SLC9C2: variants seen among roughly 807,000 people sequenced by gnomAD.
SLC9C2 encodes the protein sodium/hydrogen exchanger 11.
In SLC9C2, 75 loss-of-function variants were observed where a neutral mutation model predicts 140.2. That is an observed-to-expected ratio of 0.53 (90% CI 0.44 to 0.65). The LOEUF (loss-of-function observed/expected upper bound fraction) is 0.65. Ranked by LOEUF, SLC9C2 falls within the 30% of genes least tolerant of loss-of-function variation. The pLI, the probability that SLC9C2 is intolerant of heterozygous loss-of-function variation, is 0.00. For missense variants in SLC9C2, 1,074 were observed against 1,331.8 expected (o/e 0.81, Z 3.01); for synonymous variants, 375 against 420.9 (o/e 0.89, Z 1.34).
In SLC9C2 at chr1:173,548,589, A is replaced by G. The variant is rs751734100; in HGVS notation, c.1298-37T>C. ...ACAAAAGCAAAGGCCTTAATAGAGTACAGTGAGGACTGCAAGGGAAAGCAA... is the reference window on the plus strand; with the variant it reads ...ACAAAAGCAAAGGCCTTAATAGAGTGCAGTGAGGACTGCAAGGGAAAGCAA... On this transcript the variant is annotated intron_variant, in intron 11 of 27. Transcript: ENST00000367714. 3.3e-5 allele frequency: 53 copies of G among 1,610,174 alleles called. No homozygotes were observed. The Admixed American group carries it at 4.2e-4, about 13-fold the overall frequency.
In SLC9C2 at chr1:173,534,567, T is replaced by C. The variant is rs377658375; in HGVS notation, c.1891A>G (p.Met631Val). ...IYPMIIHLWP[M>V]ARGLNVSALI... is the part of the protein sequence containing the mutation. ...GCTGATACATTTAAACCTCTTGCCA[T>C]TGGCCACAGATGTATTATCATAGGA... The change falls in exon 16 of 28, where the codon ATG (methionine) becomes GTG (valine). Residue 631 changes from methionine (M) to valine (V), a missense_variant. Met to Val is a conservative substitution (Grantham distance 21). Transcript: ENST00000367714. 1.1e-5 allele frequency: 18 copies of C among 1,599,140 alleles called. No individual in the cohort carries two copies. The African/African-American group carries it at 2.2e-4, about 19-fold the overall frequency.
chr1:173,585,991 A>G (rs563226406), intron 5 of SLC9C2, among the ~76,000 whole-genome samples: 3 of 152,252 alleles, frequency 2.0e-5, no homozygotes, highest in South Asian at 2.1e-4. Context: ...ATAAAAAAAA[A>G]GAAGACTTTC....
chr1:173,515,622 C>CAG (rs1326731522), intron 23 of SLC9C2, among the ~76,000 whole-genome samples: 1 of 152,112 alleles, frequency 6.6e-6, no homozygotes, highest in Non-Finnish European at 1.5e-5. Flanking sequence ...TTTAGCTCAG[C>CAG]AGAGTTTGTT....
In SLC9C2 at chr1:173,576,686, G is replaced by A. The variant is rs1453234127; in HGVS notation, c.877C>T (p.Pro293Ser). The A allele has an allele frequency of 6.2e-7, 1 of 1,611,352 alleles. No homozygotes were observed. The highest frequency in any genetic ancestry group is 1.7e-5 in the Admixed American group (1 of 59,584). ...GLNLDSLTFKPKIELVITKFL... is the reference protein window; with the variant it reads ...GLNLDSLTFKSKIELVITKFL... ...TTAGTAATTACAAGTTCGATCTTCG[G>A]TTTAAAAGTTAAAGAATCTAAATTC... Residue 293 changes from proline to serine, a missense_variant, in exon 8 of 28, where the codon CCG becomes TCG. Physicochemically the swap from Pro to Ser is moderately conservative, Grantham distance 74. Coordinates refer to ENST00000367714, the MANE Select transcript of SLC9C2 (RefSeq NM_178527.4).
At chr1:173,591,630 T>C (rs1666168365) in intron 4 of SLC9C2, among the ~76,000 whole-genome samples, 1 of 152,224 alleles carries the variant, frequency 6.6e-6, no homozygotes. Context: ...TTATCAGTGA[T>C]GTTGAGCTTT....
Position 173,600,098 on chromosome 1 carries a change from T to C in SLC9C2, c.228+19A>G. The C allele has an allele frequency of 6.6e-7, 1 of 1,513,012 alleles. No homozygotes were observed. The highest frequency in any genetic ancestry group is 9.0e-7 in the Non-Finnish European group (1 of 1,109,464). The allele number at this position is 1,513,012 out of a possible 1,614,324, so 93.7% of individuals were successfully genotyped here. Reference sequence around the variant, plus strand: ...TGGCATTTTTTCCTTTATTCTCTAATTTATTGTACATACAGTACCTCAACA... The same window carrying C: ...TGGCATTTTTTCCTTTATTCTCTAACTTATTGTACATACAGTACCTCAACA... On this transcript the variant is annotated intron_variant, in intron 3 of 27. Coordinates refer to ENST00000367714, the MANE Select transcript of SLC9C2 (RefSeq NM_178527.4).
chr1:173,506,445 C>A (rs905301230), intron 25 of SLC9C2, among the ~76,000 whole-genome samples: 1 of 152,246 alleles, frequency 6.6e-6, no homozygotes, highest in Non-Finnish European at 1.5e-5. Flanking sequence ...GTGCCCATAG[C>A]CCCTAATGTG....
chr1:173,583,298 T>G (rs1439262494), intron 6 of SLC9C2, among the ~76,000 whole-genome samples: 1 of 152,254 alleles, frequency 6.6e-6, no homozygotes, highest in African/African-American at 2.4e-5. Context: ...GTTATTTTTA[T>G]TGAGTTTTTC....
intron 13 of SLC9C2, among the ~76,000 whole-genome samples, chr1:173,543,055 G>C (rs1341596076): frequency 2.0e-5 from 3 of 152,182 alleles, no homozygotes; most frequent in Non-Finnish European, 4.4e-5. Context: ...ATTAGGAAAA[G>C]AGGAAGTCAA....
At chr1:173,600,271 A>G (rs1414567073) in intron 2 of SLC9C2, 54 bp from the exon 3 acceptor site, 2 of 1,308,310 alleles carry the variant, frequency 1.5e-6, no homozygotes, top group Non-Finnish European at 2.2e-6. Flanking sequence ...AGTTTCTACC[A>G]AATGTGTATC....
At chr1:173,529,669 GAA>G (rs1661434568) in intron 18 of SLC9C2, among the ~76,000 whole-genome samples, 1 of 149,810 alleles carries the variant, frequency 6.7e-6, no homozygotes, top group Non-Finnish European at 1.5e-5. Flanking sequence ...TCTGCACTCA[GAA>G]AAGAGATCAT....
At chr1:173,523,531 G>A (rs1031519581) in intron 21 of SLC9C2, among the ~76,000 whole-genome samples, 9 of 152,156 alleles carry the variant, frequency 5.9e-5, no homozygotes, top group Admixed American at 1.3e-4. Flanking sequence ...TGTGGCAACC[G>A]TCAGCTGACA....
chr1:173,535,785 G>A, intron 15 of SLC9C2, 45 bp downstream of exon 15: 1 of 1,450,046 alleles, frequency 6.9e-7, no homozygotes, highest in Non-Finnish European at 9.2e-7. Flanking sequence ...TGTAGAAATG[G>A]TAGTATTTTC....
At chr1:173,559,791 T>C (rs1663973274) in intron 9 of SLC9C2, among the ~76,000 whole-genome samples, 1 of 152,232 alleles carries the variant, frequency 6.6e-6, no homozygotes, top group Non-Finnish European at 1.5e-5. Flanking sequence ...CTCAGTAGCC[T>C]TAGGCCCATG....
chr1:173,574,550 C>G (rs563049899), intron 8 of SLC9C2, among the ~76,000 whole-genome samples: 2 of 141,510 alleles, frequency 1.4e-5, no homozygotes, highest in African/African-American at 5.4e-5. Flanking sequence ...TGCTCTGTCA[C>G]CCAGGCTGGA....
chr1:173,540,528 G>T (rs1662311893), intron 13 of SLC9C2, among the ~76,000 whole-genome samples: 2 of 152,200 alleles, frequency 1.3e-5, no homozygotes, highest in Non-Finnish European at 2.9e-5. Flanking sequence ...AAGACTGTTA[G>T]TGGAAGCTGG....
intron 10 of SLC9C2, among the ~76,000 whole-genome samples, chr1:173,556,593 T>C (rs938852026): frequency 2.0e-5 from 3 of 152,156 alleles, no homozygotes; most frequent in Non-Finnish European, 4.4e-5. Context: ...AGTATCATTT[T>C]TTCATGCTTT....
intron 19 of SLC9C2, among the ~76,000 whole-genome samples, chr1:173,526,369 T>C (rs962760134): frequency 1.3e-5 from 2 of 152,204 alleles, no homozygotes; most frequent in Non-Finnish European, 2.9e-5. Context: ...TAATACACTT[T>C]CCACACTCCT....
chr1:173,584,115 G>A (rs1009838712), intron 5 of SLC9C2, among the ~76,000 whole-genome samples: 1 of 152,106 alleles, frequency 6.6e-6, no homozygotes, highest in African/African-American at 2.4e-5. Context: ...TCTATCAGCT[G>A]ATAAATGAAT....
Sources: allele counts gnomAD v4.1 joint callset (sites outside exome capture counted in the v4.1 genomes callset), GRCh38; gene constraint gnomAD v4.1.1; transcripts MANE v1.5; gene names NCBI Gene and HGNC (gene_info 2026-07-23, HGNC 2026-07-21).